The following CSMD2 variants were observed in gnomAD, a reference collection of about 807,000 sequenced individuals.
CSMD2 encodes the protein CUB and sushi domain-containing protein 2.
In CSMD2, 130 loss-of-function variants were observed where a neutral mutation model predicts 398.5. The ratio of observed to expected loss-of-function variants is 0.33; its 90% CI spans 0.28 to 0.38. CSMD2 has a LOEUF of 0.38. Among genes scored for constraint, CSMD2 ranks in the 10% least tolerant of loss-of-function variants. The pLI, the probability that CSMD2 is intolerant of heterozygous loss-of-function variation, is 1.00. For synonymous variants in CSMD2, 1,828 were observed against 1,908.5 expected (o/e 0.96, Z 1.10); for missense variants, 3,829 against 4,764.9 (o/e 0.80, Z 5.78).
chr1:33,777,087 T>A (rs533303337), intron 12 of CSMD2, among the ~76,000 whole-genome samples: 1 of 151,690 alleles, frequency 6.6e-6, no homozygotes, highest in South Asian at 2.1e-4. Context: ...GGGGAAGGGG[T>A]TTACACGTGG....
chr1:33,822,238 C>A (rs1658241571), intron 7 of CSMD2, among the ~76,000 whole-genome samples: 3 of 152,112 alleles, frequency 2.0e-5, no homozygotes, highest in African/African-American at 7.2e-5. Context: ...AAGAAAGAAT[C>A]CCTGGGACTC....
intron 1 of CSMD2, among the ~76,000 whole-genome samples, chr1:34,159,340 C>CCCCCCCCCG (rs1557450794): frequency 1.6e-5 from 2 of 124,142 alleles, no homozygotes; most frequent in Non-Finnish European, 3.3e-5. Context: ...CCCCCCCCCA[C>CCCCCCCCCG]CCAGGAGCTT....
At chr1:33,531,582 G>A (rs1655236670) in intron 64 of CSMD2, among the ~76,000 whole-genome samples, 1 of 152,214 alleles carries the variant, frequency 6.6e-6, no homozygotes, top group Non-Finnish European at 1.5e-5. Context: ...CCATCAACAG[G>A]TGAATGGATA....
chr1:33,542,644 A>T (rs1029551272), intron 58 of CSMD2, 76 bp downstream of exon 58: 1 of 1,360,244 alleles, frequency 7.4e-7, no homozygotes, highest in Non-Finnish European at 1.0e-6. Flanking sequence ...ACCATCTTCC[A>T]TGGATAGCCT....
rs186848853 is a variant in CSMD2 at position 33,601,486 on chromosome 1, G to A, written c.6711-476C>T. Among the ~76,000 whole-genome samples, 22 of 152,248 alleles carry A rather than the reference G, an allele frequency of 1.4e-4. No individual in the cohort carries two copies. The East Asian group carries it at 2.1e-3, about 15-fold the overall frequency. On this transcript the variant is annotated intron_variant, in intron 43 of 70. Coordinates refer to ENST00000373381, the MANE Select transcript of CSMD2 (RefSeq NM_001281956.2). ...AAACCTTATCTAACCCCTCCTGTCT[G>A]TTCCTAGCCATTGCTTGGAAATCAT...
intron 3 of CSMD2, among the ~76,000 whole-genome samples, chr1:34,013,443 AAAT>A (rs1221668666): frequency 1.3e-5 from 2 of 152,076 alleles, no homozygotes; most frequent in Non-Finnish European, 1.5e-5. Flanking sequence ...CTGAGACCCC[AAAT>A]CCCTCCACTC....
intron 13 of CSMD2, among the ~76,000 whole-genome samples, chr1:33,770,245 T>C (rs193131245): frequency 5.3e-5 from 8 of 152,352 alleles, no homozygotes; most frequent in African/African-American, 1.9e-4. Flanking sequence ...GGTCAGTACA[T>C]GAAAATCCAG....
intron 2 of CSMD2, among the ~76,000 whole-genome samples, chr1:34,065,665 ATGT>A (rs1359968145): frequency 6.6e-6 from 1 of 152,214 alleles, no homozygotes; most frequent in Non-Finnish European, 1.5e-5. Flanking sequence ...TGTTATGGAA[ATGT>A]TGTAAGCAAG....
At chr1:33,971,355 G>A (rs987686437) in intron 3 of CSMD2, among the ~76,000 whole-genome samples, 22 of 152,298 alleles carry the variant, frequency 1.4e-4, no homozygotes, top group African/African-American at 1.9e-4. Context: ...ATGCATGCCC[G>A]CGACCAATCT....
intron 3 of CSMD2, among the ~76,000 whole-genome samples, chr1:34,028,592 A>C (rs1650002047): frequency 6.6e-6 from 1 of 152,112 alleles, no homozygotes. Context: ...CCTTACTCAA[A>C]GAGTTTTGCA....
chr1:33,652,272 C>A (rs535186566), intron 28 of CSMD2, 51 bp downstream of exon 28: 12 of 1,595,408 alleles, frequency 7.5e-6, no homozygotes, highest in Non-Finnish European at 1.0e-5. Context: ...GGTCCCAGAG[C>A]CCCTAGCCAC....
intron 62 of CSMD2, among the ~76,000 whole-genome samples, chr1:33,534,707 T>A (rs981032877): frequency 5.9e-5 from 9 of 152,214 alleles, no homozygotes; most frequent in African/African-American, 1.7e-4. Context: ...ACTCTTAAAT[T>A]CCACTCCCTT....
intron 1 of CSMD2, among the ~76,000 whole-genome samples, chr1:34,099,424 C>A (rs984878638): frequency 2.0e-5 from 3 of 152,210 alleles, no homozygotes; most frequent in Non-Finnish European, 2.9e-5. Flanking sequence ...AGGGCCTCCC[C>A]GATTCGTGTT....
At chr1:33,808,574 A>G (rs1159909086) in intron 10 of CSMD2, among the ~76,000 whole-genome samples, 1 of 152,094 alleles carries the variant, frequency 6.6e-6, no homozygotes, top group South Asian at 2.1e-4. Context: ...AACTGTAAAA[A>G]TCTGTAGGAA....
At chr1:33,535,295 C>T (rs940254706) in intron 62 of CSMD2, among the ~76,000 whole-genome samples, 3 of 152,180 alleles carry the variant, frequency 2.0e-5, no homozygotes, top group South Asian at 4.1e-4. Flanking sequence ...AACACCCCTC[C>T]GTAGTAATGG....
intron 3 of CSMD2, among the ~76,000 whole-genome samples, chr1:33,989,908 T>C (rs1430915980): frequency 6.6e-6 from 1 of 152,152 alleles, no homozygotes; most frequent in East Asian, 1.9e-4. Flanking sequence ...TATGTCTTGA[T>C]TGTGGTGGTA....
chr1:33,967,006 C>G (rs1645579821), intron 3 of CSMD2, among the ~76,000 whole-genome samples: 1 of 152,172 alleles, frequency 6.6e-6, no homozygotes, highest in Non-Finnish European at 1.5e-5. Flanking sequence ...AAACGTTTTC[C>G]CTTGCCACAG....
chr1:33,743,623 G>A lies in CSMD2; in HGVS notation c.1847-17C>T. ...AGCAGGAGACTGCAAGAGAAGAGCA[G>A]TGGAGGTCAGTAAGCATCCCCAACA... On this transcript the variant is annotated splice_polypyrimidine_tract_variant and intron_variant, in intron 13 of 70. Coordinates refer to ENST00000373381, the MANE Select transcript of CSMD2 (RefSeq NM_001281956.2). The A allele has an allele frequency of 6.4e-7, 1 of 1,552,746 alleles. No individual in the cohort carries two copies. The highest frequency in any genetic ancestry group is 8.8e-7 in the Non-Finnish European group (1 of 1,142,150).
At chr1:34,153,642 G>A (rs565015487) in intron 1 of CSMD2, among the ~76,000 whole-genome samples, 1 of 152,338 alleles carries the variant, frequency 6.6e-6, no homozygotes, top group East Asian at 1.9e-4. Flanking sequence ...CCATTCTCTA[G>A]GTATAGCATC....
Sources: gnomAD v4.1 joint callset for allele counts (sites outside exome capture counted in the v4.1 genomes callset) on GRCh38, gnomAD v4.1.1 for gene constraint, MANE v1.5 for transcripts, NCBI Gene and HGNC (gene_info 2026-07-23, HGNC 2026-07-21) for gene names.